The following TMEM179 variants were observed in gnomAD, a reference collection of about 807,000 sequenced individuals.
TMEM179 encodes transmembrane protein 179A.
TMEM179 carries 17 observed loss-of-function variants against 22.2 expected under a neutral mutation model. The observed-to-expected ratio is 0.77, with a 90% confidence interval of 0.52 to 1.15. The LOEUF is 1.15. TMEM179 is among the 50% of genes most tolerant of loss of function. The probability of loss-of-function intolerance (pLI) is 0.00; values close to 1 mark genes in which losing one functional copy is unlikely to be tolerated. For synonymous variants in TMEM179, 127 were observed against 140.5 expected, an observed-to-expected ratio of 0.90 and a Z score of 0.68; for missense variants, 265 against 313.6, an observed-to-expected ratio of 0.84 and a Z score of 1.17.
At position 104,592,833 on chromosome 14, in the gene TMEM179, T is replaced by A. The variant is rs1886890064; in HGVS notation, c.*646A>T. Reference sequence around the variant, plus strand: ...GCCCCCGATTCTGTGGAGCCCAGATTACCACTTCCCTGACCCTCAGCCAAG... The same window carrying A: ...GCCCCCGATTCTGTGGAGCCCAGATAACCACTTCCCTGACCCTCAGCCAAG... On this transcript the variant is annotated 3_prime_UTR_variant, in exon 4 of 4. Transcript: ENST00000556573. Among the ~76,000 whole-genome samples, 1 of 152,070 alleles carries A rather than the reference T, an allele frequency of 6.6e-6. No individual in the cohort carries two copies. The highest frequency in any genetic ancestry group is 2.4e-5 in the African/African-American group (1 of 41,394).
chr14:104,593,388 A>C lies in TMEM179; in HGVS notation c.*91T>G. 1 of 1,471,778 alleles carries C rather than the reference A, an allele frequency of 6.8e-7. No individual in the cohort carries two copies. The allele number at this position is 1,471,778 out of a possible 1,614,324, so 91.2% of individuals were successfully genotyped here. ...GCAGGGCTGCATGTGGCCAGGGCCC[A>C]GGCAGAGCCCCCCAGCTGCTTCCCC... On this transcript the variant is annotated 3_prime_UTR_variant, in exon 4 of 4. Coordinates refer to ENST00000556573, the MANE Select transcript of TMEM179 (RefSeq NM_001286389.2).
chr14:104,598,504 G>T (rs1887119712), intron 1 of TMEM179, among the ~76,000 whole-genome samples: 1 of 152,248 alleles, frequency 6.6e-6, no homozygotes, highest in Non-Finnish European at 1.5e-5. Flanking sequence ...TGCTGATGAG[G>T]CAAAGTGGAG....
intron 3 of TMEM179, 60 bp from the exon 4 acceptor site, chr14:104,593,718 C>T (rs1260305718): frequency 7.0e-7 from 1 of 1,424,918 alleles, no homozygotes. Flanking sequence ...AGTGCAACCC[C>T]CTCCCACCAG....
intron 2 of TMEM179, among the ~76,000 whole-genome samples, chr14:104,596,543 T>C (rs1596297270): frequency 6.6e-6 from 1 of 152,320 alleles, no homozygotes; most frequent in Admixed American, 6.5e-5. Context: ...ACCAAAGCCC[T>C]GAGCCTAATG....
Position 104,597,760 on chromosome 14 carries a change from T to C in TMEM179, c.306-633A>G, listed in dbSNP as rs1309354506. ...AAGTGTGAGCAGTAAATGCCTGTTG[T>C]TTACAAGACCCCAGCCTGTGATGCC... On this transcript the variant is annotated intron_variant, in intron 1 of 3. Transcript: ENST00000556573. The surrounding 1 kb of genome is among the most constrained non-coding windows in gnomAD (Gnocchi z 4.8). Among the ~76,000 whole-genome samples, 1 of 152,086 alleles carries C rather than the reference T, an allele frequency of 6.6e-6. No homozygotes were observed. The highest frequency in any genetic ancestry group is 1.9e-4 in the East Asian group (1 of 5,186).
chr14:104,604,555 G>A lies in TMEM179; in HGVS notation c.187C>T (p.Gln63Ter). Residue 63 changes from glutamine (Q) to a stop codon, truncating the protein, a stop_gained, in exon 1 of 4, where the codon CAG becomes TAG. Transcript: ENST00000556573. LOFTEE classifies it high-confidence loss of function. This position sits in a 1 kb window ranked among gnomAD's most constrained non-coding sequence, Gnocchi z 4.6. ...CAGGCGGCCGGCGGGCCCCACTCCTGCACCGTGAAGCGCTCGCGCTCCTGC... is the reference window on the plus strand; with the variant it reads ...CAGGCGGCCGGCGGGCCCCACTCCTACACCGTGAAGCGCTCGCGCTCCTGC... ...TVQERERFTV[Q>*]EWGPPAACRF... 1 of 1,533,542 alleles carries A rather than the reference G, an allele frequency of 6.5e-7. No homozygotes were observed. The highest frequency in any genetic ancestry group is 8.7e-7 in the Non-Finnish European group (1 of 1,143,198). The allele number at this position is 1,533,542 out of a possible 1,614,324, so 95.0% of individuals were successfully genotyped here.
Position 104,595,036 on chromosome 14 carries a change from A to G in TMEM179, c.522+129T>C. ...CCGACTGCTCCCACTGCCTGGTCCC[A>G]TTGCTAACTACCTTATCCACACAGG... On this transcript the variant is annotated intron_variant, in intron 3 of 3. Transcript: ENST00000556573. This position sits in a 1 kb window ranked among gnomAD's most constrained non-coding sequence, Gnocchi z 5.7. The G allele has an allele frequency of 6.5e-7, 1 of 1,535,318 alleles. No homozygotes were observed. The highest frequency in any genetic ancestry group is 8.8e-7 in the Non-Finnish European group (1 of 1,138,366).
chr14:104,594,647 C>T (rs995649093), intron 3 of TMEM179: 54 of 1,219,638 alleles, frequency 4.4e-5, no homozygotes, highest in East Asian at 2.6e-4. Flanking sequence ...TCCTAGGGGG[C>T]GGGGGACGCA....
At chr14:104,599,909 C>T (rs1231995234) in intron 1 of TMEM179, among the ~76,000 whole-genome samples, 2 of 152,212 alleles carry the variant, frequency 1.3e-5, no homozygotes, top group African/African-American at 4.8e-5. Flanking sequence ...CTGTCCCCTT[C>T]CCACCACTGA....
chr14:104,604,423 C>A lies in TMEM179; in HGVS notation c.305+14G>T. The A allele has an allele frequency of 1.3e-6, 2 of 1,515,562 alleles. No homozygotes were observed. Among genetic ancestry groups the A allele is most frequent in the African/African-American group, 1.4e-5 (1 of 69,756 alleles). 93.9% of individuals were successfully genotyped at this position (1,515,562 alleles called of 1,614,324 possible). A position where few individuals can be genotyped will look rare whatever the true frequency, so the allele number is the denominator to read the frequency against. On this transcript the variant is annotated intron_variant, in intron 1 of 3. Coordinates refer to ENST00000556573, the MANE Select transcript of TMEM179 (RefSeq NM_001286389.2). This position sits in a 1 kb window ranked among gnomAD's most constrained non-coding sequence, Gnocchi z 4.6. Reference sequence around the variant, plus strand: ...CATGGAAGGGGCGCCGCGCCGGGAGCGGCCCCCACTTACCCCTCGTGTCCC... The same window carrying A: ...CATGGAAGGGGCGCCGCGCCGGGAGAGGCCCCCACTTACCCCTCGTGTCCC...
In TMEM179 at chr14:104,591,688, G is replaced by T. The variant is rs1002943261; in HGVS notation, c.*1791C>A. 1 of 309,510 alleles carries T rather than the reference G, an allele frequency of 3.2e-6. No individual in the cohort carries two copies. The allele number at this position is 309,510 out of a possible 1,614,324, so 19.2% of individuals were successfully genotyped here. A position where few individuals can be genotyped will look rare whatever the true frequency, so the allele number is the denominator to read the frequency against. ...GGACCCTCCATGTGGACCCAGGCAC[G>T]TGGCCTCCAGGAGGCTGGTGCCCAG... On this transcript the variant is annotated 3_prime_UTR_variant, in exon 4 of 4. Transcript: ENST00000556573.
chr14:104,594,870 C>T (rs1243295230), intron 3 of TMEM179: 4 of 1,322,370 alleles, frequency 3.0e-6, no homozygotes, highest in Non-Finnish European at 3.9e-6. Flanking sequence ...GTTTCTGGCA[C>T]CACCTCCCCC....
At chr14:104,603,251 C>CCGGTGGGCT in intron 1 of TMEM179, among the ~76,000 whole-genome samples, 1 of 152,208 alleles carries the variant, frequency 6.6e-6, no homozygotes, top group South Asian at 2.1e-4. Context: ...TCAGCCAAAA[C>CCGGTGGGCT]CAAGCGGTGG....
At chr14:104,594,967 C>A (rs1886968624) in intron 3 of TMEM179, 198 bp downstream of exon 3, 4 of 1,432,306 alleles carry the variant, frequency 2.8e-6, no homozygotes, top group East Asian at 5.3e-5. Flanking sequence ...CCCAAACCCA[C>A]CTACAAAAGC....
intron 1 of TMEM179, among the ~76,000 whole-genome samples, chr14:104,599,631 C>T (rs1484642629): frequency 6.6e-6 from 1 of 152,196 alleles, no homozygotes; most frequent in Non-Finnish European, 1.5e-5. Context: ...ACGCAGTAAG[C>T]CCGCCCCACC....
At position 104,595,755 on chromosome 14, in the gene TMEM179, C is replaced by A. The variant is rs1410864325; in HGVS notation, c.444-512G>T. ...CAACGCTGCCCAGAAGCTCTGCCCC[C>A]ATCACGGAGGCATCTGTGGAAGCAG... On this transcript the variant is annotated intron_variant, in intron 2 of 3. Transcript: ENST00000556573. The surrounding 1 kb of genome is among the most constrained non-coding windows in gnomAD (Gnocchi z 5.7). Among the ~76,000 whole-genome samples, 1 of 152,252 alleles carries A rather than the reference C, an allele frequency of 6.6e-6. No homozygotes were observed. The highest frequency in any genetic ancestry group is 1.5e-5 in the Non-Finnish European group (1 of 68,042).
chr14:104,596,756 T>C (rs1186335862), intron 2 of TMEM179, among the ~76,000 whole-genome samples: 2 of 152,128 alleles, frequency 1.3e-5, no homozygotes, highest in Non-Finnish European at 2.9e-5. Context: ...TGATCGCTCT[T>C]GTGTGACGTG....
At chr14:104,601,571 C>T (rs562476219) in intron 1 of TMEM179, among the ~76,000 whole-genome samples, 1 of 152,140 alleles carries the variant, frequency 6.6e-6, no homozygotes, top group Admixed American at 6.5e-5. Flanking sequence ...TGTCACCCCA[C>T]AAGCCGTCTG....
rs2031753950 is a variant in TMEM179, at chr14:104,595,963, A to G, written c.444-720T>C. 6.6e-6 allele frequency among the ~76,000 whole-genome samples: 1 copy of G among 152,184 alleles called. No homozygotes were observed. Among genetic ancestry groups the G allele is most frequent in the African/African-American group, 2.4e-5 (1 of 41,456 alleles). On this transcript the variant is annotated intron_variant, in intron 2 of 3. Coordinates refer to ENST00000556573, the MANE Select transcript of TMEM179 (RefSeq NM_001286389.2). The surrounding 1 kb of genome is among the most constrained non-coding windows in gnomAD (Gnocchi z 5.7). ...GAAACAGTGTCTGTGAGGCCAAGGA[A>G]ACTTTGCGTGTGTACCAGAGGTTGC...
Sources: allele counts gnomAD v4.1 joint callset (sites outside exome capture counted in the v4.1 genomes callset), GRCh38; gene constraint gnomAD v4.1.1; non-coding constraint Gnocchi (gnomAD v3.1); transcripts MANE v1.5; gene names NCBI Gene and HGNC (gene_info 2026-07-23, HGNC 2026-07-21).